The following GOLGA5 variants were observed in gnomAD, a reference collection of about 807,000 sequenced individuals.
GOLGA5 encodes the protein golgin A5.
GOLGA5 carries 50 observed loss-of-function variants against 93.5 expected under a neutral mutation model. That is an observed-to-expected ratio of 0.53 (90% confidence interval 0.43 to 0.68). The LOEUF (loss-of-function observed/expected upper bound fraction) is 0.68, where lower values mean the gene tolerates loss of function less well. Among genes scored for constraint, GOLGA5 ranks in the 30% least tolerant of loss-of-function variants. GOLGA5 has a pLI of 0.00. For synonymous variants in GOLGA5, 312 were observed against 304.5 expected (o/e 1.02, Z -0.26); for missense variants, 760 against 856.4 (o/e 0.89, Z 1.40).
intron 2 of GOLGA5, among the ~76,000 whole-genome samples, chr14:92,799,134 A>G (rs1356116361): frequency 1.3e-5 from 2 of 151,990 alleles, no homozygotes; most frequent in Non-Finnish European, 2.9e-5. Context: ...TGCCCAGCTA[A>G]TTTTAAAAAA....
At chr14:92,819,490 A>G (rs960972398) in intron 7 of GOLGA5, among the ~76,000 whole-genome samples, 1 of 151,018 alleles carries the variant, frequency 6.6e-6, no homozygotes, top group Non-Finnish European at 1.5e-5. Flanking sequence ...AACTTAAGCC[A>G]GGCCTCGTGG....
intron 5 of GOLGA5, 142 bp downstream of exon 5, chr14:92,810,519 T>C (rs1384091249): frequency 1.8e-6 from 1 of 549,942 alleles, no homozygotes; most frequent in Non-Finnish European, 3.0e-6. Flanking sequence ...AAATCAGATA[T>C]TTGAAAATTT....
intron 7 of GOLGA5, 139 bp from the exon 8 acceptor site, chr14:92,819,569 G>C (rs868797157): frequency 2.2e-5 from 16 of 729,918 alleles, no homozygotes; most frequent in Middle Eastern, 7.5e-4. Context: ...GGAGTTTGAG[G>C]CTGCCATGAA....
At chr14:92,800,084 T>A (rs1169881383) in intron 2 of GOLGA5, among the ~76,000 whole-genome samples, 1 of 152,230 alleles carries the variant, frequency 6.6e-6, no homozygotes, top group Non-Finnish European at 1.5e-5. Context: ...AGCAGTTGAT[T>A]AATATGTTCA....
In GOLGA5 at chr14:92,797,760, C is replaced by T. The variant is rs752927689; in HGVS notation, c.323C>T (p.Ser108Phe). ...AATGCATCTGTTCCTAGGCCTTCAT[C>T]CCATTTTGTGCGAAGAAAAAAGTCA... Reference protein sequence around the residue: ...VENASVPRPSSHFVRRKKSEP... With the variant: ...VENASVPRPSFHFVRRKKSEP... Residue 108 changes from serine (S) to phenylalanine (F), a missense_variant, in exon 2 of 13, where the codon TCC becomes TTC. Ser to Phe is a radical substitution (Grantham distance 155, BLOSUM62 -2). Coordinates refer to ENST00000163416, the MANE Select transcript of GOLGA5 (RefSeq NM_005113.4). 9.3e-6 allele frequency: 15 copies of T among 1,613,290 alleles called. No homozygotes were observed. The highest frequency in any genetic ancestry group is 2.2e-5 in the East Asian group (1 of 44,896).
chr14:92,835,712 C>T (rs756703329), intron 11 of GOLGA5, 48 bp downstream of exon 11: 13 of 1,160,092 alleles, frequency 1.1e-5, no homozygotes, highest in East Asian at 2.4e-5. Context: ...GCTGTTTTTA[C>T]GTTTTTCAGG....
chr14:92,832,385 A>G (rs958285651), intron 9 of GOLGA5, among the ~76,000 whole-genome samples: 1 of 152,220 alleles, frequency 6.6e-6, no homozygotes, highest in Non-Finnish European at 1.5e-5. Context: ...TTGAGTTTCC[A>G]AACAGAGGAA....
At chr14:92,830,625 A>G (rs138511014) in intron 9 of GOLGA5, among the ~76,000 whole-genome samples, 485 of 152,152 alleles carry the variant, frequency 3.2e-3, no homozygotes, top group Middle Eastern at 0.014. Context: ...GGGAGACAGG[A>G]TATTTGCTCT....
chr14:92,831,931 G>C (rs1013907114), intron 9 of GOLGA5, among the ~76,000 whole-genome samples: 1 of 152,186 alleles, frequency 6.6e-6, no homozygotes, highest in African/African-American at 2.4e-5. Flanking sequence ...AGATTTAATA[G>C]CTTTCCCAAG....
chr14:92,831,019 A>G (rs1390297822), intron 9 of GOLGA5, among the ~76,000 whole-genome samples: 1 of 152,140 alleles, frequency 6.6e-6, no homozygotes, highest in Non-Finnish European at 1.5e-5. Flanking sequence ...CCTGTATATG[A>G]ATGATTAAAT....
chr14:92,811,742 T>C lies in GOLGA5; in HGVS notation c.1308T>C (p.Thr436=). 1.2e-6 allele frequency: 2 copies of C among 1,606,884 alleles called. No homozygotes were observed. The highest frequency in any genetic ancestry group is 8.5e-7 in the Non-Finnish European group (1 of 1,173,612). ...TAATTGACTACAAGCAAAAAGCTAC[T>C]AGAATACTGCAAGTAAGCATGAAAT... ...QELIDYKQKA[T]RILQSKEKLI... Residue 436 remains threonine, a synonymous_variant, in exon 6 of 13, where the codon ACT becomes ACC. Coordinates refer to ENST00000163416, the MANE Select transcript of GOLGA5 (RefSeq NM_005113.4).
intron 9 of GOLGA5, among the ~76,000 whole-genome samples, chr14:92,831,414 A>G (rs549206380): frequency 1.8e-4 from 27 of 152,194 alleles, no homozygotes; most frequent in Non-Finnish European, 3.5e-4. Context: ...CACAACTCAG[A>G]TGAATTTTTT....
intron 11 of GOLGA5, among the ~76,000 whole-genome samples, chr14:92,837,014 TG>T (rs1210670841): frequency 1.3e-5 from 2 of 150,686 alleles, no homozygotes; most frequent in Non-Finnish European, 2.9e-5. Context: ...GAGGTTGCCG[TG>T]GGCAGAGATC....
At chr14:92,810,871 A>G (rs10134439) in intron 5 of GOLGA5, among the ~76,000 whole-genome samples, 9 of 152,360 alleles carry the variant, frequency 5.9e-5, no homozygotes, top group African/African-American at 2.2e-4. Flanking sequence ...ATGCAGTCAC[A>G]TTCCATTGTA....
intron 2 of GOLGA5, among the ~76,000 whole-genome samples, chr14:92,803,228 G>A (rs751448560): frequency 3.9e-5 from 6 of 152,054 alleles, no homozygotes; most frequent in African/African-American, 7.2e-5. Flanking sequence ...GTAGAGACAA[G>A]GTCTCACTAT....
In GOLGA5 at chr14:92,839,516, C is replaced by G. The variant is rs531241209; in HGVS notation, c.*70C>G. 1 of 961,686 alleles carries G rather than the reference C, an allele frequency of 1.0e-6. No individual in the cohort carries two copies. The highest frequency in any genetic ancestry group is 1.3e-5 in the South Asian group (1 of 77,024). 59.6% of individuals were successfully genotyped at this position (961,686 alleles called of 1,614,324 possible). On this transcript the variant is annotated 3_prime_UTR_variant, in exon 13 of 13. Transcript: ENST00000163416. ...TGGGATCTGCAAGAAGGCCAATTGC[C>G]TAAAATTTCTGAGAACAGTGCACAA...
intron 8 of GOLGA5, among the ~76,000 whole-genome samples, chr14:92,821,984 G>T (rs1885325801): frequency 6.6e-6 from 1 of 152,178 alleles, no homozygotes; most frequent in Non-Finnish European, 1.5e-5. Context: ...AAATGAGGGA[G>T]TTAAATAGAA....
chr14:92,832,883 G>A (rs894074141), intron 9 of GOLGA5, among the ~76,000 whole-genome samples: 1 of 152,110 alleles, frequency 6.6e-6, no homozygotes, highest in Admixed American at 6.6e-5. Flanking sequence ...TATACTATAT[G>A]TTACATAAAT....
intron 9 of GOLGA5, among the ~76,000 whole-genome samples, chr14:92,830,407 ATT>A (rs35482590): frequency 6.8e-6 from 1 of 147,986 alleles, no homozygotes; most frequent in Non-Finnish European, 1.5e-5. Context: ...TGTGACTGGT[ATT>A]TTTTTTTTTT....
Sources: allele counts gnomAD v4.1 joint callset (sites outside exome capture counted in the v4.1 genomes callset), GRCh38; gene constraint gnomAD v4.1.1; transcripts MANE v1.5; gene names NCBI Gene and HGNC (gene_info 2026-07-23, HGNC 2026-07-21).